Variants in FAT3 observed in about 807,000 individuals in gnomAD.
The protein encoded by FAT3 is FAT atypical cadherin 3, also known as protocadherin Fat 3.
In FAT3, 95 loss-of-function variants were observed where a neutral mutation model predicts 310.2. The observed-to-expected ratio is 0.31, with a 90% CI of 0.26 to 0.36. FAT3 has a LOEUF of 0.36. Ranked by LOEUF, FAT3 falls within the 10% of genes least tolerant of loss-of-function variation. The probability of loss-of-function intolerance (pLI) is 1.00; values close to 1 mark genes in which losing one functional copy is unlikely to be tolerated. For synonymous variants in FAT3, 2,314 were observed against 2,192.9 expected, an observed-to-expected ratio of 1.06 and a Z score of -1.54; for missense variants, 5,408 against 5,715.6, an observed-to-expected ratio of 0.95 and a Z score of 1.74.
chr11:92,681,666 A>G (rs1204341189), intron 3 of FAT3, among the ~76,000 whole-genome samples: 1 of 152,222 alleles, frequency 6.6e-6, no homozygotes, highest in East Asian at 1.9e-4. Context: ...TAAATGGTGA[A>G]GGTGCTGCAG....
chr11:92,546,934 G>A (rs73548601), intron 3 of FAT3, among the ~76,000 whole-genome samples: 2,245 of 152,218 alleles, frequency 0.015, 62 homozygotes, highest in African/African-American at 0.051. Context: ...ACACCTCCTT[G>A]TTCACAAAAC....
At chr11:92,589,121 G>T (rs1260252788) in intron 3 of FAT3, among the ~76,000 whole-genome samples, 1 of 151,968 alleles carries the variant, frequency 6.6e-6, no homozygotes, top group Non-Finnish European at 1.5e-5. Context: ...TGTAGTTGAT[G>T]CTGGGTCATA....
intron 2 of FAT3, among the ~76,000 whole-genome samples, chr11:92,370,976 C>T (rs1949171106): frequency 6.6e-6 from 1 of 152,196 alleles, no homozygotes; most frequent in South Asian, 2.1e-4. Context: ...TACATTAACT[C>T]TGTGGTTTTC....
chr11:92,872,854 G>A (rs1216508986), intron 22 of FAT3, among the ~76,000 whole-genome samples: 1 of 152,212 alleles, frequency 6.6e-6, no homozygotes, highest in Non-Finnish European at 1.5e-5. Context: ...ACTGAAAGTT[G>A]AAATGGCAAA....
chr11:92,796,682 A>G (rs966641204), intron 9 of FAT3, among the ~76,000 whole-genome samples: 2 of 152,224 alleles, frequency 1.3e-5, no homozygotes, highest in African/African-American at 4.8e-5. Flanking sequence ...TTTGAGAAGT[A>G]TGAGAAAGCC....
At chr11:92,396,889 TAG>T (rs1949881708) in intron 2 of FAT3, among the ~76,000 whole-genome samples, 1 of 152,078 alleles carries the variant, frequency 6.6e-6, no homozygotes, top group African/African-American at 2.4e-5. Flanking sequence ...GTATTTCTAG[TAG>T]AGACAGGGTT....
At chr11:92,434,594 G>C (rs59419206) in intron 2 of FAT3, among the ~76,000 whole-genome samples, 2,553 of 152,234 alleles carry the variant, frequency 0.017, 86 homozygotes, top group African/African-American at 0.058. Context: ...TGCTGGTTCA[G>C]TGTTGGTTCT....
chr11:92,406,389 C>T (rs1014502852), intron 2 of FAT3, among the ~76,000 whole-genome samples: 4 of 152,106 alleles, frequency 2.6e-5, no homozygotes, highest in Non-Finnish European at 4.4e-5. Context: ...TTGTGTTACC[C>T]CAGGCTCTGA....
chr11:92,485,774 A>G (rs1296700770), intron 2 of FAT3, among the ~76,000 whole-genome samples: 3 of 152,232 alleles, frequency 2.0e-5, no homozygotes, highest in African/African-American at 7.2e-5. Flanking sequence ...ATTGCAAAGA[A>G]TGAAACACCA....
chr11:92,278,085 A>G (rs1420605474), intron 1 of FAT3, among the ~76,000 whole-genome samples: 1 of 152,148 alleles, frequency 6.6e-6, no homozygotes, highest in Non-Finnish European at 1.5e-5. Flanking sequence ...GTGTCAAAAA[A>G]TAGAACACTA....
intron 3 of FAT3, among the ~76,000 whole-genome samples, chr11:92,695,389 C>T (rs1943908629): frequency 6.6e-6 from 1 of 152,048 alleles, no homozygotes; most frequent in Non-Finnish European, 1.5e-5. Flanking sequence ...AGTTACTCAT[C>T]CTCCTTGACC....
intron 2 of FAT3, among the ~76,000 whole-genome samples, chr11:92,482,827 T>G (rs60930285): frequency 0.016 from 2,428 of 152,288 alleles, 69 homozygotes; most frequent in African/African-American, 0.054. Context: ...CAGTGCAGCA[T>G]CCCTAAGTCT....
chr11:92,539,018 A>G (rs1232133512), intron 3 of FAT3, among the ~76,000 whole-genome samples: 1 of 152,090 alleles, frequency 6.6e-6, no homozygotes, highest in African/African-American at 2.4e-5. Context: ...AACCAAGACA[A>G]ATCCAATTTT....
chr11:92,325,820 C>A (rs1370986529), intron 1 of FAT3, among the ~76,000 whole-genome samples: 1 of 152,118 alleles, frequency 6.6e-6, no homozygotes, highest in African/African-American at 2.4e-5. Flanking sequence ...TTAGTAGATA[C>A]CGGGTTTCAC....
rs1947320316 is a variant in FAT3 at position 92,800,799 on chromosome 11, A to C, written c.7786A>C (p.Asn2596His). 5.0e-6 allele frequency: 8 copies of C among 1,613,856 alleles called. No individual in the cohort carries two copies. In the East Asian group the frequency reaches 1.8e-4, roughly 36 times the overall value. Reference protein sequence around the residue: ...VRVIVVDENDNAPQFMTVEYR... With the variant: ...VRVIVVDENDHAPQFMTVEYR... Reference sequence around the variant, plus strand: ...AGTGATTGTTGTGGATGAAAATGACAATGCTCCCCAGTTCATGACAGTGGA... The same window carrying C: ...AGTGATTGTTGTGGATGAAAATGACCATGCTCCCCAGTTCATGACAGTGGA... Residue 2596 changes from asparagine to histidine, a missense_variant, in exon 10 of 28, where the codon AAT (asparagine) becomes CAT (histidine). Asn to His is a moderately conservative substitution (Grantham distance 68, BLOSUM62 1). Transcript: ENST00000525166.
Position 92,790,220 on chromosome 11 carries a change from T to C in FAT3, c.4611+2T>C. On this transcript the variant is annotated splice_donor_variant, in intron 8 of 27. Coordinates refer to ENST00000525166, the MANE Select transcript of FAT3 (RefSeq NM_001367949.2). LOFTEE classifies it high-confidence loss of function. ...GACAAGCACATTCTCAACATAATGG[T>C]AGGACCAAAATCCTAATTAGCACTC... 6.2e-7 allele frequency: 1 copy of C among 1,613,084 alleles called. No individual in the cohort carries two copies. The highest frequency in any genetic ancestry group is 8.5e-7 in the Non-Finnish European group (1 of 1,179,262).
chr11:92,449,793 C>G (rs935856009), intron 2 of FAT3, among the ~76,000 whole-genome samples: 11 of 152,194 alleles, frequency 7.2e-5, no homozygotes, highest in Non-Finnish European at 1.5e-4. Context: ...GAAAGTCATT[C>G]AGCCTCCAGA....
At chr11:92,367,541 A>C (rs1230644741) in intron 2 of FAT3, among the ~76,000 whole-genome samples, 1 of 152,180 alleles carries the variant, frequency 6.6e-6, no homozygotes, top group Admixed American at 6.5e-5. Flanking sequence ...TAACATGGGA[A>C]GTTCACTTAA....
chr11:92,655,348 A>G lies in FAT3; in HGVS notation c.3608-42036A>G, dbSNP rs2083771174. ...ACCTAGAACAATTTTTGGCATTGTG[A>G]GGACAATAAATATTGAATGAATTAA... is the stretch of plus-strand genomic sequence containing the variant. On this transcript the variant is annotated intron_variant, in intron 3 of 27. Coordinates refer to ENST00000525166, the MANE Select transcript of FAT3 (RefSeq NM_001367949.2). 2.6e-5 allele frequency among the ~76,000 whole-genome samples: 4 copies of G among 152,220 alleles called. 1 individual carries two copies. In the South Asian group the frequency reaches 8.3e-4, roughly 32 times the overall value.
Sources: gnomAD v4.1 joint callset for allele counts (sites outside exome capture counted in the v4.1 genomes callset) on GRCh38, gnomAD v4.1.1 for gene constraint, MANE v1.5 for transcripts, NCBI Gene and HGNC (gene_info 2026-07-23, HGNC 2026-07-21) for gene names.